The following TMPRSS6 variants were observed in gnomAD, a reference collection of about 807,000 sequenced individuals.
The protein encoded by TMPRSS6 is transmembrane protease serine 6.
Under a neutral mutation model 101.5 loss-of-function variants are expected in TMPRSS6, and 67 were observed. The observed-to-expected ratio is 0.66, with a 90% CI of 0.54 to 0.81. The LOEUF (loss-of-function observed/expected upper bound fraction) is 0.81. Ranked by LOEUF, TMPRSS6 falls within the 30% of genes least tolerant of loss-of-function variation. TMPRSS6 has a pLI of 0.00. For synonymous variants in TMPRSS6, 453 were observed against 464.9 expected (o/e 0.97, Z 0.33); for missense variants, 1,034 against 1,088.7 (o/e 0.95, Z 0.71).
intron 15 of TMPRSS6, 85 bp downstream of exon 15, chr22:37,070,399 A>C: frequency 6.4e-7 from 1 of 1,561,548 alleles, no homozygotes; most frequent in Non-Finnish European, 8.8e-7. Flanking sequence ...CTCTATCTGC[A>C]AAGAGCTCAG....
chr22:37,099,669 G>A (rs1050057332), intron 2 of TMPRSS6, among the ~76,000 whole-genome samples: 1 of 152,184 alleles, frequency 6.6e-6, no homozygotes, highest in Admixed American at 6.5e-5. Context: ...ACCACACATC[G>A]TGTATAACAG....
intron 10 of TMPRSS6, chr22:37,082,567 C>A: frequency 5.6e-6 from 1 of 179,972 alleles, no homozygotes; most frequent in South Asian, 1.0e-4. Flanking sequence ...AGGTGAGTAG[C>A]AAGGAGGCTT....
At chr22:37,074,741 A>G in intron 11 of TMPRSS6, 33 bp from the exon 12 acceptor site, 1 of 1,610,312 alleles carries the variant, frequency 6.2e-7, no homozygotes, top group South Asian at 1.1e-5. Flanking sequence ...GGAGGCAGGC[A>G]GGGCGCCATT....
At chr22:37,067,627 G>T (rs1371554883) in intron 16 of TMPRSS6, among the ~76,000 whole-genome samples, 1 of 152,156 alleles carries the variant, frequency 6.6e-6, no homozygotes, top group Non-Finnish European at 1.5e-5. Flanking sequence ...GCCCACATCT[G>T]ATCCCTTCAT....
At chr22:37,105,117 C>G (rs910925090) in intron 1 of TMPRSS6, among the ~76,000 whole-genome samples, 1 of 152,168 alleles carries the variant, frequency 6.6e-6, no homozygotes, top group Non-Finnish European at 1.5e-5. Flanking sequence ...AGGGCCCTGG[C>G]CCTTCTCCCA....
Position 37,095,599 on chromosome 22 carries a change from A to AAATC in TMPRSS6, c.590-8_590-7insGATT, listed in dbSNP as rs755403079. ...ATGTCTTTCACACTGGCTTCTGATAAAAGGAAATGAACAAACAAATAAACA... is the reference window on the plus strand; with the variant it reads ...ATGTCTTTCACACTGGCTTCTGATAAAATCAAGGAAATGAACAAACAAATAAACA... On this transcript the variant is annotated splice_polypyrimidine_tract_variant and splice_region_variant and intron_variant, in intron 5 of 17. Transcript: ENST00000676104. 1.2e-6 allele frequency: 2 copies of AAATC among 1,607,776 alleles called. No individual in the cohort carries two copies. The highest frequency in any genetic ancestry group is 2.2e-5 in the South Asian group (2 of 89,500).
intron 3 of TMPRSS6, among the ~76,000 whole-genome samples, chr22:37,097,776 G>GGGAAGA (rs1929916103): frequency 2.5e-5 from 3 of 118,446 alleles, no homozygotes; most frequent in South Asian, 2.8e-4. Flanking sequence ...GTAACGGAGG[G>GGGAAGA]GCAGGAGTGG....
chr22:37,110,063 A>G (rs1484956043), upstream of TMPRSS6, among the ~76,000 whole-genome samples: 2 of 147,870 alleles, frequency 1.4e-5, no homozygotes, highest in Non-Finnish European at 3.0e-5. Flanking sequence ...ACTGGAGAGG[A>G]GAAAGGGGAG....
Position 37,103,007 on chromosome 22 carries a change from G to C in TMPRSS6, c.202+209C>G, listed in dbSNP as rs1347781212. Among the ~76,000 whole-genome samples the C allele has an allele frequency of 6.6e-6, 1 of 151,984 alleles. No individual in the cohort carries two copies. Among genetic ancestry groups the C allele is most frequent in the Non-Finnish European group, 1.5e-5 (1 of 67,954 alleles). ...CTTTGCCCAAGCAGGAAGCAGACCC[G>C]AGCCATAGGACCTGGAGCCAGGGTC... On this transcript the variant is annotated intron_variant, in intron 2 of 17. Transcript: ENST00000676104. The surrounding 1 kb of genome is among the most constrained non-coding windows in gnomAD (Gnocchi z 4.4).
At chr22:37,078,106 G>C (rs1927834851) in intron 10 of TMPRSS6, among the ~76,000 whole-genome samples, 1 of 152,248 alleles carries the variant, frequency 6.6e-6, no homozygotes, top group Non-Finnish European at 1.5e-5. Flanking sequence ...AAGTAGACAG[G>C]GGAGCCAGGG....
In TMPRSS6 at chr22:37,101,282, C is replaced by A. The variant is rs1366176168; in HGVS notation, c.202+1934G>T. On this transcript the variant is annotated intron_variant, in intron 2 of 17. Coordinates refer to ENST00000676104, the MANE Select transcript of TMPRSS6 (RefSeq NM_001374504.1). The surrounding 1 kb of genome is among the most constrained non-coding windows in gnomAD (Gnocchi z 4.1). ...TCTTCTAAGCTGTTTTGTTTTCTCA[C>A]TGAAGCAGGAGACAGGGGCAGGCGG... Among the ~76,000 whole-genome samples the A allele has an allele frequency of 6.6e-6, 1 of 152,016 alleles. No homozygotes were observed. Among genetic ancestry groups the A allele is most frequent in the Non-Finnish European group, 1.5e-5 (1 of 67,998 alleles).
chr22:37,097,086 G>A (rs1275217800), intron 3 of TMPRSS6, among the ~76,000 whole-genome samples: 4 of 108,060 alleles, frequency 3.7e-5, no homozygotes, highest in East Asian at 2.6e-4. Flanking sequence ...TAGTTTTTGC[G>A]CATCTCCAAC....
chr22:37,095,655 T>C, intron 5 of TMPRSS6, 63 bp from the exon 6 acceptor site: 1 of 1,428,574 alleles, frequency 7.0e-7, no homozygotes, highest in Non-Finnish European at 9.3e-7. Context: ...GAAAAGAAAA[T>C]ACAATGAAAA....
chr22:37,072,641 CGGAT>C (rs1927175582), intron 13 of TMPRSS6, among the ~76,000 whole-genome samples: 1 of 42,244 alleles, frequency 2.4e-5, no homozygotes, highest in Admixed American at 2.8e-4. Flanking sequence ...GGATGATGGA[CGGAT>C]GGATGATGGA....
intron 10 of TMPRSS6, among the ~76,000 whole-genome samples, chr22:37,076,689 G>A (rs1485316006): frequency 1.3e-5 from 2 of 152,202 alleles, no homozygotes; most frequent in African/African-American, 4.8e-5. Context: ...ACAGCAGCCG[G>A]GGGTTCCTTT....
intron 1 of TMPRSS6, among the ~76,000 whole-genome samples, chr22:37,107,105 T>C (rs542043186): frequency 1.3e-5 from 2 of 152,330 alleles, no homozygotes; most frequent in African/African-American, 2.4e-5. Context: ...GCCAAGTCTC[T>C]AGGCCCCTGG....
At chr22:37,100,054 G>C (rs998660426) in intron 2 of TMPRSS6, among the ~76,000 whole-genome samples, 1 of 152,200 alleles carries the variant, frequency 6.6e-6, no homozygotes, top group Non-Finnish European at 1.5e-5. Context: ...CACAACCTCT[G>C]CCTCCCGGGT....
In TMPRSS6 at chr22:37,096,732, C is replaced by A. The variant is rs753028511; in HGVS notation, c.337-17G>T. On this transcript the variant is annotated splice_polypyrimidine_tract_variant and intron_variant, in intron 3 of 17. Coordinates refer to ENST00000676104, the MANE Select transcript of TMPRSS6 (RefSeq NM_001374504.1). ...CTCCTTGAGCTGTGAGAAGGGAAGACAACAGCCCCTGGGACCCTCTGCAGG... is the reference window on the plus strand; with the variant it reads ...CTCCTTGAGCTGTGAGAAGGGAAGAAAACAGCCCCTGGGACCCTCTGCAGG... The A allele has an allele frequency of 4.5e-6, 7 of 1,558,662 alleles. No homozygotes were observed. Among genetic ancestry groups the A allele is most frequent in the Non-Finnish European group, 1.7e-6 (2 of 1,150,412 alleles).
chr22:37,076,645 A>G (rs923481174), intron 10 of TMPRSS6, among the ~76,000 whole-genome samples: 1 of 152,178 alleles, frequency 6.6e-6, no homozygotes, highest in African/African-American at 2.4e-5. Flanking sequence ...GAGTGGGTGC[A>G]GCCACTCCCC....
Sources: gnomAD v4.1 joint callset for allele counts (sites outside exome capture counted in the v4.1 genomes callset) on GRCh38, gnomAD v4.1.1 for gene constraint, Gnocchi (gnomAD v3.1) non-coding constraint, MANE v1.5 for transcripts, NCBI Gene and HGNC (gene_info 2026-07-23, HGNC 2026-07-21) for gene names.